MEGF10: variants seen among roughly 807,000 people sequenced by gnomAD.
MEGF10 encodes the protein multiple EGF like domains 10, also known as multiple epidermal growth factor-like domains protein 10.
A neutral mutation model predicts 147.5 loss-of-function variants in MEGF10; 86 were observed. The observed-to-expected ratio is 0.58, with a 90% confidence interval of 0.49 to 0.70. The LOEUF (loss-of-function observed/expected upper bound fraction) is 0.70. MEGF10 is among the 30% of genes least tolerant of loss of function. The pLI, the probability that MEGF10 is intolerant of heterozygous loss-of-function variation, is 0.00. For synonymous variants in MEGF10, 478 were observed against 525.5 expected (o/e 0.91, Z 1.24); for missense variants, 1,329 against 1,487.3 (o/e 0.89, Z 1.75).
At chr5:127,237,780 T>C in the MEGF10 span, among the ~76,000 whole-genome samples, 1 of 151,948 alleles carries the variant, frequency 6.6e-6, no homozygotes, top group Non-Finnish European at 1.5e-5. Context: ...ATGTGGGACT[T>C]TCCCTCTCCC....
intron 7 of MEGF10, 126 bp downstream of exon 7, chr5:127,398,922 T>C: frequency 1.1e-5 from 15 of 1,308,246 alleles, no homozygotes; most frequent in South Asian, 7.1e-5. Context: ...GATTCCAAAA[T>C]TGGAAAGACT....
Position 127,349,682 on chromosome 5 carries a change from C to CTT in MEGF10, c.319+9062_319+9063dup, listed in dbSNP as rs71573989. Among the ~76,000 whole-genome samples, 142 of 146,902 alleles carry CTT rather than the reference C, an allele frequency of 9.7e-4. 1 individual carries two copies. In the South Asian group the frequency reaches 0.01, roughly 11 times the overall value. ...TCGTAGCAGCATGGGACAGGACTTCCTTTTTTTTTTTGTTTTTTTTAGGCT... is the reference window on the plus strand; with the variant it reads ...TCGTAGCAGCATGGGACAGGACTTCCTTTTTTTTTTTTTGTTTTTTTTAGGCT... On this transcript the variant is annotated intron_variant, in intron 4 of 24. Transcript: ENST00000503335.
intron 5 of MEGF10, among the ~76,000 whole-genome samples, chr5:127,395,472 T>C (rs1763869541): frequency 6.6e-6 from 1 of 152,044 alleles, no homozygotes; most frequent in Non-Finnish European, 1.5e-5. Context: ...TGTCCATTTT[T>C]TCTGCCCTTT....
At chr5:127,364,876 T>C (rs1223411343) in intron 4 of MEGF10, among the ~76,000 whole-genome samples, 2 of 152,148 alleles carry the variant, frequency 1.3e-5, no homozygotes, top group African/African-American at 4.8e-5. Flanking sequence ...AAATCCATCT[T>C]ATGTTTTGGT....
At chr5:127,242,821 G>T in the MEGF10 span, among the ~76,000 whole-genome samples, 2 of 152,068 alleles carry the variant, frequency 1.3e-5, no homozygotes, top group Admixed American at 6.6e-5. Flanking sequence ...GTTGCCCCCA[G>T]ATTCCTGGAC....
chr5:127,316,275 T>A (rs1458154928), intron 1 of MEGF10, among the ~76,000 whole-genome samples: 1 of 152,158 alleles, frequency 6.6e-6, no homozygotes, highest in Non-Finnish European at 1.5e-5. Context: ...TCAGCTGATA[T>A]GAATACCATG....
chr5:127,294,237 T>G (rs1580671172), intron 1 of MEGF10, among the ~76,000 whole-genome samples: 1 of 152,356 alleles, frequency 6.6e-6, no homozygotes, highest in South Asian at 2.1e-4. Flanking sequence ...ATAATCACAT[T>G]GTATCAGCCA....
intron 4 of MEGF10, among the ~76,000 whole-genome samples, chr5:127,342,234 TG>T (rs1425713773): frequency 6.6e-6 from 1 of 151,794 alleles, no homozygotes; most frequent in African/African-American, 2.4e-5. Context: ...CACACAGGGG[TG>T]GGGATTGGGG....
At chr5:127,373,853 G>C (rs1037307289) in intron 5 of MEGF10, among the ~76,000 whole-genome samples, 4 of 152,190 alleles carry the variant, frequency 2.6e-5, no homozygotes, top group Non-Finnish European at 5.9e-5. Context: ...CTAAGGGTGC[G>C]ATCCAGACCT....
chr5:127,278,357 G>T, the MEGF10 span, among the ~76,000 whole-genome samples: 3 of 151,962 alleles, frequency 2.0e-5, no homozygotes, highest in East Asian at 5.8e-4. Flanking sequence ...ATTAAATTGA[G>T]GGTTGGGGCC....
intron 4 of MEGF10, among the ~76,000 whole-genome samples, chr5:127,343,840 T>TTTG (rs1197744160): frequency 6.6e-6 from 1 of 151,974 alleles, no homozygotes; most frequent in Non-Finnish European, 1.5e-5. Flanking sequence ...AAGAGTGGGC[T>TTTG]GCCAGTTCAA....
chr5:127,315,618 A>C (rs939074157), intron 1 of MEGF10, among the ~76,000 whole-genome samples: 2 of 152,124 alleles, frequency 1.3e-5, no homozygotes, highest in Non-Finnish European at 2.9e-5. Flanking sequence ...CTACAAAAAT[A>C]CAAAAATTAG....
chr5:127,366,027 T>C (rs574042870), intron 4 of MEGF10, among the ~76,000 whole-genome samples: 1 of 152,328 alleles, frequency 6.6e-6, no homozygotes, highest in Non-Finnish European at 1.5e-5. Flanking sequence ...GAACAATTAA[T>C]GTCTTTAGCC....
At chr5:127,259,371 C>G in the MEGF10 span, among the ~76,000 whole-genome samples, 47 of 152,272 alleles carry the variant, frequency 3.1e-4, no homozygotes, top group African/African-American at 9.9e-4. Flanking sequence ...AGAAAATTAA[C>G]AGAGTCCATT....
chr5:127,367,842 G>T (rs1762711776), intron 4 of MEGF10, among the ~76,000 whole-genome samples: 1 of 152,160 alleles, frequency 6.6e-6, no homozygotes, highest in African/African-American at 2.4e-5. Flanking sequence ...ACCCTCTCGT[G>T]TTGACATATT....
the MEGF10 span, among the ~76,000 whole-genome samples, chr5:127,285,564 A>G: frequency 1.3e-5 from 2 of 152,136 alleles, no homozygotes; most frequent in African/African-American, 4.8e-5. Context: ...GTAAGGAAAT[A>G]GAAGACTTGA....
chr5:127,256,607 C>A, the MEGF10 span, among the ~76,000 whole-genome samples: 546 of 152,194 alleles, frequency 3.6e-3, 2 homozygotes, highest in African/African-American at 0.012. Context: ...TGCAGTGAGA[C>A]CCTATTACTG....
Position 127,398,766 on chromosome 5 carries a change from T to C in MEGF10, c.750T>C (p.Thr250=), listed in dbSNP as rs1554097814. The change falls in exon 7 of 25, where the codon ACT becomes ACC. Residue 250 remains threonine (T), a synonymous_variant. Transcript: ENST00000503335. ...CQNGGVCHHV[T]GECSCPSGWM... ...ATGGAGGAGTGTGTCATCACGTCAC[T>C]GGAGAATGCTCTTGCCCTTCTGGCT... is the stretch of plus-strand genomic sequence containing the variant. 6.2e-7 allele frequency: 1 copy of C among 1,613,942 alleles called. No homozygotes were observed. Among genetic ancestry groups the C allele is most frequent in the Non-Finnish European group, 8.5e-7 (1 of 1,179,874 alleles).
At chr5:127,366,496 C>G (rs970617666) in intron 4 of MEGF10, among the ~76,000 whole-genome samples, 1 of 152,158 alleles carries the variant, frequency 6.6e-6, no homozygotes. Context: ...GGCATCAATG[C>G]TCAGAGGTGA....
Sources: allele counts gnomAD v4.1 joint callset (sites outside exome capture counted in the v4.1 genomes callset), GRCh38; gene constraint gnomAD v4.1.1; transcripts MANE v1.5; gene names NCBI Gene and HGNC (gene_info 2026-07-23, HGNC 2026-07-21).